The following DLG2 variants were observed in gnomAD, a reference collection of about 807,000 sequenced individuals.
DLG2 encodes disks large homolog 2.
In DLG2, 45 loss-of-function variants were observed where a neutral mutation model predicts 132.5. The ratio of observed to expected loss-of-function variants is 0.34; its 90% CI spans 0.27 to 0.44. DLG2 has a LOEUF of 0.44. DLG2 is among the 20% of genes least tolerant of loss of function. DLG2 has a pLI of 1.00. For synonymous variants in DLG2, 424 were observed against 419.6 expected (o/e 1.01, Z -0.13); for missense variants, 1,045 against 1,196.9 (o/e 0.87, Z 1.87).
chr11:83,816,492 G>GT lies in DLG2; in HGVS notation c.1722+17121dup, dbSNP rs201487679. Among the ~76,000 whole-genome samples, 1,375 of 151,822 alleles carry GT rather than the reference G, an allele frequency of 9.1e-3. 20 individuals are homozygous for GT. Among genetic ancestry groups the GT allele is most frequent in the African/African-American group, 0.031 (1,296 of 41,448 alleles). Reference sequence around the variant, plus strand: ...ACTAGCTTAATGCCTCTGAACCTCAGTTTTTTTTCACTGGAAAATGGGAAA... The same window carrying GT: ...ACTAGCTTAATGCCTCTGAACCTCAGTTTTTTTTTCACTGGAAAATGGGAAA... On this transcript the variant is annotated intron_variant, in intron 17 of 27. Coordinates refer to ENST00000376104, the MANE Select transcript of DLG2 (RefSeq NM_001142699.3).
Position 84,224,305 on chromosome 11 carries a change from T to A in DLG2, c.573+26933A>T, listed in dbSNP as rs189496132. ...AGATGCCCCAGTTGAGTCCAGTCAA[T>A]CCTAGGCTGCTTTTGTTACACTGAA... On this transcript the variant is annotated intron_variant, in intron 8 of 27. Coordinates refer to ENST00000376104, the MANE Select transcript of DLG2 (RefSeq NM_001142699.3). 2.0e-5 allele frequency among the ~76,000 whole-genome samples: 3 copies of A among 152,300 alleles called. No individual in the cohort carries two copies. The East Asian group carries it at 5.8e-4, about 29-fold the overall frequency.
chr11:84,176,457 G>A (rs1259493152), intron 8 of DLG2, among the ~76,000 whole-genome samples: 1 of 150,980 alleles, frequency 6.6e-6, no homozygotes, highest in East Asian at 1.9e-4. Flanking sequence ...TATGCACGGG[G>A]CAGTTGTGTT....
intron 6 of DLG2, among the ~76,000 whole-genome samples, chr11:84,675,886 C>T (rs1446664887): frequency 1.3e-5 from 2 of 152,000 alleles, no homozygotes; most frequent in African/African-American, 4.8e-5. Context: ...TTTCTCCTCC[C>T]TTGTCCACTT....
intron 6 of DLG2, among the ~76,000 whole-genome samples, chr11:84,752,580 T>TTA (rs1565873431): frequency 1.4e-5 from 2 of 145,334 alleles, no homozygotes; most frequent in Admixed American, 1.4e-4. Context: ...TTTTTTTTTT[T>TTA]ATTATACTTT....
intron 17 of DLG2, among the ~76,000 whole-genome samples, chr11:83,788,958 A>C (rs1400426904): frequency 6.6e-6 from 1 of 152,206 alleles, no homozygotes; most frequent in Non-Finnish European, 1.5e-5. Context: ...ACAATTTCTA[A>C]ATTGGTGGTA....
intron 11 of DLG2, among the ~76,000 whole-genome samples, chr11:83,994,888 T>C (rs2093940856): frequency 6.6e-6 from 1 of 152,116 alleles, no homozygotes; most frequent in African/African-American, 2.4e-5. Context: ...CTGGCAGTAC[T>C]TGGCACTCCT....
intron 18 of DLG2, 47 bp from the exon 19 acceptor site, chr11:83,633,372 AGTTG>A: frequency 6.6e-7 from 1 of 1,523,788 alleles, no homozygotes; most frequent in South Asian, 1.2e-5. Flanking sequence ...TGCCCTCAAG[AGTTG>A]GAAATGCTGC....
intron 5 of DLG2, among the ~76,000 whole-genome samples, chr11:85,146,258 C>T (rs977884441): frequency 6.6e-6 from 1 of 151,420 alleles, no homozygotes; most frequent in African/African-American, 2.4e-5. Flanking sequence ...CTCTCTCTCT[C>T]TCTCTCCTGA....
chr11:84,542,882 A>G (rs918707878), intron 6 of DLG2, among the ~76,000 whole-genome samples: 1 of 152,158 alleles, frequency 6.6e-6, no homozygotes, highest in Non-Finnish European at 1.5e-5. Context: ...TTTGAGAACA[A>G]TGATTTGTTT....
intron 18 of DLG2, chr11:83,724,822 G>A (rs917715359): frequency 1.4e-6 from 1 of 702,188 alleles, no homozygotes; most frequent in African/African-American, 1.7e-5. Context: ...TCTGTCAAGA[G>A]AAATGGGTCT....
intron 6 of DLG2, among the ~76,000 whole-genome samples, chr11:84,950,510 CAGCT>C (rs2050777588): frequency 6.6e-6 from 1 of 152,120 alleles, no homozygotes; most frequent in South Asian, 2.1e-4. Flanking sequence ...TGCACATATG[CAGCT>C]ACACTTTAAA....
chr11:84,918,670 C>T (rs748467795), intron 6 of DLG2, among the ~76,000 whole-genome samples: 1 of 152,156 alleles, frequency 6.6e-6, no homozygotes, highest in Non-Finnish European at 1.5e-5. Flanking sequence ...AGCTGTACAA[C>T]CTGGCTGAGC....
intron 6 of DLG2, among the ~76,000 whole-genome samples, chr11:85,041,136 A>T (rs1223615750): frequency 6.6e-6 from 1 of 151,834 alleles, no homozygotes; most frequent in Non-Finnish European, 1.5e-5. Flanking sequence ...CTTCTAATTA[A>T]TATTACCTTG....
chr11:83,954,344 C>A (rs1406560290), intron 14 of DLG2, among the ~76,000 whole-genome samples: 1 of 152,008 alleles, frequency 6.6e-6, no homozygotes, highest in Non-Finnish European at 1.5e-5. Flanking sequence ...ATAAGTAAAC[C>A]TATGTGGTTT....
At chr11:85,017,174 T>C (rs1592735462) in intron 6 of DLG2, among the ~76,000 whole-genome samples, 1 of 152,156 alleles carries the variant, frequency 6.6e-6, no homozygotes, top group East Asian at 1.9e-4. Flanking sequence ...CATCTTCCTC[T>C]TTCCTAAATC....
At chr11:83,903,838 C>T (rs555877098) in intron 15 of DLG2, among the ~76,000 whole-genome samples, 3 of 152,292 alleles carry the variant, frequency 2.0e-5, no homozygotes, top group African/African-American at 4.8e-5. Context: ...GTAGTCCCTT[C>T]TTATCTTCAG....
intron 7 of DLG2, among the ~76,000 whole-genome samples, chr11:84,417,291 C>T (rs770642382): frequency 2.6e-5 from 4 of 152,154 alleles, no homozygotes; most frequent in African/African-American, 7.2e-5. Context: ...ACTTCCCCTC[C>T]TATAAAACAG....
chr11:84,421,358 A>G (rs1285147652), intron 7 of DLG2, among the ~76,000 whole-genome samples: 2 of 152,330 alleles, frequency 1.3e-5, no homozygotes, highest in East Asian at 3.9e-4. Context: ...CCAGAGCAGC[A>G]AGCGGGGCCA....
intron 19 of DLG2, among the ~76,000 whole-genome samples, chr11:83,622,351 G>A (rs914597290): frequency 6.6e-6 from 1 of 152,180 alleles, no homozygotes; most frequent in African/African-American, 2.4e-5. Flanking sequence ...TTTAATGTGG[G>A]AATTCATAGG....
Sources: gnomAD v4.1 joint callset for allele counts (sites outside exome capture counted in the v4.1 genomes callset) on GRCh38, gnomAD v4.1.1 for gene constraint, MANE v1.5 for transcripts, NCBI Gene and HGNC (gene_info 2026-07-23, HGNC 2026-07-21) for gene names.